The following RTN1 variants were observed in gnomAD, a reference collection of about 807,000 sequenced individuals.
RTN1 encodes reticulon 1.
In RTN1, 25 loss-of-function variants were observed where a neutral mutation model predicts 65.5. That is an observed-to-expected ratio of 0.38 (90% CI 0.28 to 0.53). The LOEUF is 0.53. Among genes scored for constraint, RTN1 ranks in the 20% least tolerant of loss-of-function variants. The pLI, the probability that RTN1 is intolerant of heterozygous loss-of-function variation, is 0.79. For missense variants in RTN1, 983 were observed against 1,025.4 expected (o/e 0.96, Z 0.57); for synonymous variants, 471 against 447.6 (o/e 1.05, Z -0.66).
intron 2 of RTN1, among the ~76,000 whole-genome samples, chr14:59,744,394 G>T (rs1458892790): frequency 6.6e-6 from 1 of 152,210 alleles, no homozygotes; most frequent in Non-Finnish European, 1.5e-5. Flanking sequence ...GGAGAGAAGA[G>T]AGTGGCACAG....
intron 1 of RTN1, among the ~76,000 whole-genome samples, chr14:59,801,757 A>G (rs998900056): frequency 6.6e-6 from 1 of 152,234 alleles, no homozygotes; most frequent in Non-Finnish European, 1.5e-5. Flanking sequence ...ATAAGATTAT[A>G]ACGCTATACA....
chr14:59,826,984 G>A (rs1873179266), intron 1 of RTN1, among the ~76,000 whole-genome samples: 1 of 152,208 alleles, frequency 6.6e-6, no homozygotes, highest in Non-Finnish European at 1.5e-5. Context: ...ATTTGGGCTG[G>A]TAGCTGGATG....
chr14:59,673,666 T>C (rs1883559655), intron 3 of RTN1, among the ~76,000 whole-genome samples: 2 of 152,092 alleles, frequency 1.3e-5, no homozygotes, highest in Admixed American at 1.3e-4. Context: ...ACCATTTGAC[T>C]GGTTAAAAGG....
intron 1 of RTN1, among the ~76,000 whole-genome samples, chr14:59,858,219 G>A (rs1162475099): frequency 6.6e-6 from 1 of 152,158 alleles, no homozygotes; most frequent in African/African-American, 2.4e-5. Flanking sequence ...GAGCAGGAAA[G>A]CCAATAAATC....
At chr14:59,845,879 C>T (rs1028407917) in intron 1 of RTN1, among the ~76,000 whole-genome samples, 3 of 152,050 alleles carry the variant, frequency 2.0e-5, no homozygotes, top group Non-Finnish European at 2.9e-5. Context: ...TAGGCAGCTG[C>T]CATGGACAAT....
chr14:59,757,786 T>G (rs1302176599), intron 1 of RTN1, among the ~76,000 whole-genome samples: 1 of 152,176 alleles, frequency 6.6e-6, no homozygotes. Context: ...GATAAATGTT[T>G]GCTGCTTATA....
chr14:59,853,278 T>C (rs1594767869), intron 1 of RTN1, among the ~76,000 whole-genome samples: 1 of 152,124 alleles, frequency 6.6e-6, no homozygotes. Flanking sequence ...CTGCTACATA[T>C]CTCCAGTAAC....
chr14:59,822,558 G>C (rs972497190), intron 1 of RTN1, among the ~76,000 whole-genome samples: 5 of 152,046 alleles, frequency 3.3e-5, no homozygotes, highest in Admixed American at 3.3e-4. Context: ...CAAGCTTTGG[G>C]GTTGGTTTGC....
chr14:59,851,749 C>T (rs1042912821), intron 1 of RTN1, among the ~76,000 whole-genome samples: 3 of 150,494 alleles, frequency 2.0e-5, no homozygotes, highest in South Asian at 2.1e-4. Context: ...CCCAGCTATT[C>T]GGGAGGCTGA....
chr14:59,652,163 A>C (rs565471313), intron 3 of RTN1, among the ~76,000 whole-genome samples: 2 of 152,246 alleles, frequency 1.3e-5, no homozygotes, highest in African/African-American at 4.8e-5. Flanking sequence ...GACTATTATT[A>C]AAAAGTTCAA....
At chr14:59,641,508 T>A (rs1038759123) in intron 3 of RTN1, among the ~76,000 whole-genome samples, 3 of 152,116 alleles carry the variant, frequency 2.0e-5, no homozygotes, top group African/African-American at 7.2e-5. Context: ...TAGCTGGGAT[T>A]ACAGGTGCAT....
intron 2 of RTN1, among the ~76,000 whole-genome samples, chr14:59,742,040 T>C (rs1227288220): frequency 6.6e-6 from 1 of 152,212 alleles, no homozygotes; most frequent in Admixed American, 6.5e-5. Flanking sequence ...CTTGTACATC[T>C]TATTTACTAC....
chr14:59,743,074 A>G (rs1885145034), intron 2 of RTN1, among the ~76,000 whole-genome samples: 2 of 152,194 alleles, frequency 1.3e-5, no homozygotes, highest in Admixed American at 1.3e-4. Flanking sequence ...TTTCCTGAAT[A>G]TGCCTTGCTT....
chr14:59,870,520 C>T lies in RTN1; in HGVS notation c.111G>A (p.Gly37=). ...CCCCAGCCTGCGGCGCCGGCGTGGC[C>T]CCTTTCGGCGTCACCGCTTCGTTCT... The part of the protein sequence containing the change: ...EGENEAVTPK[G]ATPAPQAGEP... Residue 37 remains glycine (G), a synonymous_variant, in exon 1 of 9, where the codon GGG becomes GGA. Coordinates refer to ENST00000267484, the MANE Select transcript of RTN1 (RefSeq NM_021136.3). This position sits in a 1 kb window ranked among gnomAD's most constrained non-coding sequence, Gnocchi z 5.1. 6.9e-7 allele frequency: 1 copy of T among 1,458,742 alleles called. No individual in the cohort carries two copies. Among genetic ancestry groups the T allele is most frequent in the Non-Finnish European group, 9.0e-7 (1 of 1,111,216 alleles). 90.4% of individuals were successfully genotyped at this position (1,458,742 alleles called of 1,614,324 possible). A position where few individuals can be genotyped will look rare whatever the true frequency, so the allele number is the denominator to read the frequency against.
At chr14:59,643,715 T>C (rs770170925) in intron 3 of RTN1, among the ~76,000 whole-genome samples, 7 of 152,152 alleles carry the variant, frequency 4.6e-5, no homozygotes, top group African/African-American at 7.2e-5. Flanking sequence ...ATGGAAAAGA[T>C]AGATCAGTCA....
At chr14:59,752,951 A>C (rs2139531630) in intron 1 of RTN1, among the ~76,000 whole-genome samples, 1 of 152,326 alleles carries the variant, frequency 6.6e-6, no homozygotes, top group Middle Eastern at 3.4e-3. Flanking sequence ...AGAGAGACCC[A>C]GTGTTTGTCT....
intron 1 of RTN1, among the ~76,000 whole-genome samples, chr14:59,782,758 T>G (rs1886180095): frequency 6.6e-6 from 1 of 152,238 alleles, no homozygotes; most frequent in Non-Finnish European, 1.5e-5. Context: ...AAAAGTAATG[T>G]ACTTCACCAA....
At chr14:59,783,520 T>C (rs1009165001) in intron 1 of RTN1, among the ~76,000 whole-genome samples, 1 of 152,144 alleles carries the variant, frequency 6.6e-6, no homozygotes, top group Non-Finnish European at 1.5e-5. Flanking sequence ...GACATGGGAT[T>C]TGATTCCTCC....
chr14:59,767,526 T>C (rs769456969), intron 1 of RTN1, among the ~76,000 whole-genome samples: 12 of 152,218 alleles, frequency 7.9e-5, no homozygotes, highest in Admixed American at 3.3e-4. Context: ...TTCTTTGTTA[T>C]GGCAGCTTAG....
Sources: allele counts gnomAD v4.1 joint callset (sites outside exome capture counted in the v4.1 genomes callset), GRCh38; gene constraint gnomAD v4.1.1; non-coding constraint Gnocchi (gnomAD v3.1); transcripts MANE v1.5; gene names NCBI Gene and HGNC (gene_info 2026-07-23, HGNC 2026-07-21).